SUSD1: variants seen among roughly 807,000 people sequenced by gnomAD.
The protein encoded by SUSD1 is sushi domain-containing protein 1.
Under a neutral mutation model 86.9 loss-of-function variants are expected in SUSD1, and 65 were observed. That is an observed-to-expected ratio of 0.75 (90% CI 0.61 to 0.92). The LOEUF is 0.92. Ranked by LOEUF, SUSD1 falls within the 40% of genes least tolerant of loss-of-function variation. The probability of loss-of-function intolerance (pLI) is 0.00; values close to 1 mark genes in which losing one functional copy is unlikely to be tolerated. For synonymous variants in SUSD1, 346 were observed against 350.0 expected (o/e 0.99, Z 0.13); for missense variants, 850 against 929.7 (o/e 0.91, Z 1.11).
At chr9:112,050,578 G>A (rs1017307051) in intron 15 of SUSD1, among the ~76,000 whole-genome samples, 2 of 152,300 alleles carry the variant, frequency 1.3e-5, no homozygotes, top group South Asian at 4.1e-4. Flanking sequence ...CACCATGCCA[G>A]TTGATTGTTT....
intron 10 of SUSD1, among the ~76,000 whole-genome samples, chr9:112,093,616 T>C (rs1239905123): frequency 1.3e-5 from 2 of 152,228 alleles, no homozygotes; most frequent in Non-Finnish European, 2.9e-5. Flanking sequence ...CTTGCCCAGA[T>C]CAATAAAGTT....
chr9:112,065,264 T>C (rs978165162), intron 12 of SUSD1, among the ~76,000 whole-genome samples: 3 of 152,212 alleles, frequency 2.0e-5, no homozygotes, highest in African/African-American at 7.2e-5. Flanking sequence ...GGCTCATGCC[T>C]GTAATCCCAG....
intron 5 of SUSD1, among the ~76,000 whole-genome samples, chr9:112,136,810 T>C (rs765510024): frequency 6.6e-6 from 1 of 152,216 alleles, no homozygotes; most frequent in Non-Finnish European, 1.5e-5. Context: ...TCAAACTCTT[T>C]CCACTTTTGT....
At chr9:112,068,146 G>T (rs1346544683) in intron 12 of SUSD1, among the ~76,000 whole-genome samples, 3 of 152,140 alleles carry the variant, frequency 2.0e-5, no homozygotes, top group Non-Finnish European at 4.4e-5. Flanking sequence ...TTTTGTAAAG[G>T]TAGTGCCCAG....
At chr9:112,139,364 A>C (rs771395974) in intron 5 of SUSD1, among the ~76,000 whole-genome samples, 1 of 152,200 alleles carries the variant, frequency 6.6e-6, no homozygotes, top group Non-Finnish European at 1.5e-5. Context: ...GGAATAAAAC[A>C]CCAAAAACCC....
intron 8 of SUSD1, among the ~76,000 whole-genome samples, chr9:112,105,820 C>T (rs1253129147): frequency 6.6e-6 from 1 of 152,200 alleles, no homozygotes; most frequent in African/African-American, 2.4e-5. Context: ...CATGAAGAGA[C>T]TTCTGTGTCA....
chr9:112,101,297 G>A (rs1830624834), intron 9 of SUSD1, among the ~76,000 whole-genome samples: 1 of 152,066 alleles, frequency 6.6e-6, no homozygotes, highest in Non-Finnish European at 1.5e-5. Flanking sequence ...GGAAGGTGGA[G>A]GTCGCAGTGA....
At chr9:112,084,174 T>TAATATATACAA (rs1378290939) in intron 10 of SUSD1, among the ~76,000 whole-genome samples, 1 of 152,076 alleles carries the variant, frequency 6.6e-6, no homozygotes. Context: ...CAATAAAACA[T>TAATATATACAA]AATATATACA....
At chr9:112,099,610 C>A (rs1361169893) in intron 9 of SUSD1, among the ~76,000 whole-genome samples, 1 of 152,132 alleles carries the variant, frequency 6.6e-6, no homozygotes, top group Non-Finnish European at 1.5e-5. Context: ...CCAGCTCCAG[C>A]AGGGAATTAT....
chr9:112,046,892 CTG>C (rs1383785967), intron 15 of SUSD1, among the ~76,000 whole-genome samples: 2 of 152,172 alleles, frequency 1.3e-5, no homozygotes, highest in Admixed American at 1.3e-4. Flanking sequence ...ATTAGCAACA[CTG>C]TTATATTCCA....
chr9:112,111,096 G>C (rs1371848063), intron 8 of SUSD1, among the ~76,000 whole-genome samples: 1 of 152,166 alleles, frequency 6.6e-6, no homozygotes, highest in African/African-American at 2.4e-5. Context: ...GGGTTCAAGT[G>C]ATTCTTGTGC....
At chr9:112,078,757 T>C in intron 11 of SUSD1, 33 bp from the exon 12 acceptor site, 2 of 1,599,116 alleles carry the variant, frequency 1.3e-6, no homozygotes, top group Non-Finnish European at 1.7e-6. Flanking sequence ...GGGTGAATGG[T>C]TGGCCTAAAA....
chr9:112,097,119 A>G (rs1255337486), intron 10 of SUSD1, among the ~76,000 whole-genome samples: 1 of 151,994 alleles, frequency 6.6e-6, no homozygotes, highest in Non-Finnish European at 1.5e-5. Flanking sequence ...TGAGGTCAGG[A>G]GTTCGAGAAC....
intron 12 of SUSD1, among the ~76,000 whole-genome samples, chr9:112,077,434 G>A (rs2131550510): frequency 6.6e-6 from 1 of 151,058 alleles, no homozygotes; most frequent in East Asian, 1.9e-4. Flanking sequence ...AAAATGAGTG[G>A]AAAGTGAATT....
chr9:112,154,708 C>A (rs530423681), intron 2 of SUSD1, among the ~76,000 whole-genome samples: 1 of 152,256 alleles, frequency 6.6e-6, no homozygotes, highest in East Asian at 1.9e-4. Context: ...GTTTTTGAGA[C>A]AGGCCTCCTC....
chr9:112,055,711 T>G (rs1411736593), intron 14 of SUSD1, among the ~76,000 whole-genome samples: 1 of 152,204 alleles, frequency 6.6e-6, no homozygotes, highest in Non-Finnish European at 1.5e-5. Context: ...CATACCAATG[T>G]TCACAGCAGC....
Position 112,080,174 on chromosome 9 carries a change from G to T in SUSD1, c.1475-9C>A. The T allele has an allele frequency of 1.3e-6, 2 of 1,592,984 alleles. No homozygotes were observed. The highest frequency in any genetic ancestry group is 1.1e-5 in the South Asian group (1 of 90,554). On this transcript the variant is annotated splice_polypyrimidine_tract_variant and intron_variant, in intron 10 of 16. Coordinates refer to ENST00000374270, the MANE Select transcript of SUSD1 (RefSeq NM_022486.5). ...ACTGATGGTCTGTTTTACTGTAGTG[G>T]AAAAGAAATGAGAAATCAATTTACA...
chr9:112,061,125 C>T (rs1322536634), intron 13 of SUSD1, among the ~76,000 whole-genome samples: 1 of 152,184 alleles, frequency 6.6e-6, no homozygotes, highest in Non-Finnish European at 1.5e-5. Context: ...ATGTGGGAGA[C>T]ACGAGCATTA....
At chr9:112,045,700 T>C (rs760098608) in intron 15 of SUSD1, among the ~76,000 whole-genome samples, 2 of 152,214 alleles carry the variant, frequency 1.3e-5, no homozygotes, top group African/African-American at 4.8e-5. Flanking sequence ...ACACTTCTGG[T>C]GGTTCTTCCT....
Sources: allele counts gnomAD v4.1 joint callset (sites outside exome capture counted in the v4.1 genomes callset), GRCh38; gene constraint gnomAD v4.1.1; transcripts MANE v1.5; gene names NCBI Gene and HGNC (gene_info 2026-07-23, HGNC 2026-07-21).